VPS13C: variants seen among roughly 807,000 people sequenced by gnomAD.
VPS13C encodes the protein vacuolar protein sorting 13 homolog C.
A neutral mutation model predicts 456.8 loss-of-function variants in VPS13C; 358 were observed. That is an observed-to-expected ratio of 0.78 (90% CI 0.72 to 0.86). The LOEUF (loss-of-function observed/expected upper bound fraction) is 0.86, where lower values mean the gene tolerates loss of function less well. Among genes scored for constraint, VPS13C ranks in the 40% least tolerant of loss-of-function variants. The pLI, the probability that VPS13C is intolerant of heterozygous loss-of-function variation, is 0.00. For synonymous variants in VPS13C, 1,578 were observed against 1,486.7 expected, an observed-to-expected ratio of 1.06 and a Z score of -1.41; for missense variants, 4,818 against 4,385.4, an observed-to-expected ratio of 1.10 and a Z score of -2.79.
chr15:61,999,758 A>T (rs2046536617), intron 16 of VPS13C, among the ~76,000 whole-genome samples: 1 of 151,964 alleles, frequency 6.6e-6, no homozygotes, highest in Non-Finnish European at 1.5e-5. Context: ...GCAGTTATAA[A>T]ACATTATCAG....
intron 81 of VPS13C, chr15:61,864,465 A>G: frequency 2.4e-6 from 2 of 821,134 alleles, no homozygotes; most frequent in Non-Finnish European, 2.9e-6. Context: ...TAGATAATAT[A>G]TATGAAAATA....
At chr15:61,888,679 CG>C (rs774568761) in intron 67 of VPS13C, among the ~76,000 whole-genome samples, 2 of 151,986 alleles carry the variant, frequency 1.3e-5, no homozygotes, top group Non-Finnish European at 2.9e-5. Context: ...AAAAGAACAG[CG>C]GTTTCCAAAG....
chr15:62,023,179 C>T (rs1332631093), intron 8 of VPS13C, among the ~76,000 whole-genome samples: 1 of 151,560 alleles, frequency 6.6e-6, no homozygotes, highest in Non-Finnish European at 1.5e-5. Context: ...GAAGACAATC[C>T]AAAAACCTCT....
chr15:61,874,509 A>T (rs962111325), intron 77 of VPS13C, among the ~76,000 whole-genome samples: 2 of 152,074 alleles, frequency 1.3e-5, no homozygotes, highest in African/African-American at 4.8e-5. Context: ...GAGAAGTTAC[A>T]TTGTTTATAT....
intron 53 of VPS13C, among the ~76,000 whole-genome samples, chr15:61,924,998 T>C (rs983058582): frequency 4.6e-5 from 7 of 152,216 alleles, no homozygotes; most frequent in African/African-American, 9.6e-5. Flanking sequence ...ACTCCAATAA[T>C]TATTTCTAGT....
chr15:62,000,759 G>C (rs2046584516), intron 15 of VPS13C, 133 bp from the exon 16 acceptor site: 2 of 629,016 alleles, frequency 3.2e-6, no homozygotes, highest in Non-Finnish European at 5.0e-6. Flanking sequence ...GTATAAATTT[G>C]AATGTATTCT....
At chr15:62,048,159 G>T (rs1478921289) in intron 1 of VPS13C, among the ~76,000 whole-genome samples, 2 of 150,464 alleles carry the variant, frequency 1.3e-5, no homozygotes, top group African/African-American at 4.9e-5. Context: ...CAATGTGCAG[G>T]TTTGTTACAT....
chr15:61,945,576 TTAAA>T, intron 45 of VPS13C, 135 bp downstream of exon 45: 1 of 546,528 alleles, frequency 1.8e-6, no homozygotes, highest in Non-Finnish European at 3.0e-6. Flanking sequence ...AAGGATTTCT[TTAAA>T]TATTAACATT....
At chr15:62,047,797 C>T (rs973847445) in intron 1 of VPS13C, among the ~76,000 whole-genome samples, 2 of 152,146 alleles carry the variant, frequency 1.3e-5, no homozygotes, top group Non-Finnish European at 2.9e-5. Context: ...ATTACATATC[C>T]TATGAATTCC....
intron 75 of VPS13C, among the ~76,000 whole-genome samples, chr15:61,876,561 A>C (rs1026397595): frequency 2.0e-5 from 3 of 151,958 alleles, no homozygotes; most frequent in African/African-American, 7.2e-5. Context: ...AATTGTACCA[A>C]AGTGACCTGC....
At chr15:61,996,881 A>T (rs1421672563) in intron 16 of VPS13C, among the ~76,000 whole-genome samples, 2 of 149,818 alleles carry the variant, frequency 1.3e-5, no homozygotes, top group Non-Finnish European at 3.0e-5. Flanking sequence ...ACACACACAC[A>T]CACACACACA....
At chr15:62,015,951 AAAG>A (rs35951384) in intron 9 of VPS13C, among the ~76,000 whole-genome samples, 44,543 of 127,468 alleles carry the variant, frequency 0.35, 9,148 homozygotes, top group Admixed American at 0.47. Context: ...AAAAATAAAA[AAAG>A]AAGTCCAAAA....
intron 1 of VPS13C, among the ~76,000 whole-genome samples, chr15:62,051,278 T>C (rs889120370): frequency 1.2e-4 from 19 of 152,230 alleles, no homozygotes; most frequent in African/African-American, 4.6e-4. Context: ...AGAATGCATA[T>C]TGTACTGGGG....
rs140514231 is a variant in VPS13C at position 61,985,139 on chromosome 15, C to T, written c.1579-140G>A. 1,313 of 589,242 alleles carry T rather than the reference C, an allele frequency of 2.2e-3. 14 individuals carry two copies. In the African/African-American group the frequency reaches 0.023, roughly 10 times the overall value. 36.5% of individuals were successfully genotyped at this position (589,242 alleles called of 1,614,324 possible). ...CAGGTTCTGGCATCCACATGCTCACCATAAAGGAAAAATTCTTCATTTACA... is the reference window on the plus strand; with the variant it reads ...CAGGTTCTGGCATCCACATGCTCACTATAAAGGAAAAATTCTTCATTTACA... On this transcript the variant is annotated intron_variant, in intron 18 of 84. Transcript: ENST00000644861.
intron 79 of VPS13C, 84 bp from the exon 80 acceptor site, chr15:61,869,707 T>G: frequency 6.3e-7 from 1 of 1,577,520 alleles, no homozygotes; most frequent in African/African-American, 1.4e-5. Context: ...GGCCAGATAC[T>G]GAACTGTTTT....
At chr15:62,059,347 T>C (rs2048911204) in intron 1 of VPS13C, among the ~76,000 whole-genome samples, 4 of 152,230 alleles carry the variant, frequency 2.6e-5, no homozygotes, top group South Asian at 4.1e-4. Context: ...AGCAGATCCA[T>C]ACATTTGAGT....
rs1596328339 is a variant in VPS13C, at chr15:61,917,388, G to A, written c.8008C>T (p.Leu2670Phe). 1.2e-6 allele frequency: 2 copies of A among 1,613,952 alleles called. No homozygotes were observed. Among genetic ancestry groups the A allele is most frequent in the South Asian group, 1.1e-5 (1 of 91,064 alleles). The stretch of plus-strand genomic sequence containing the variant: ...TATGGGAGAAGATTCCGCAAAGTGA[G>A]AGAAGGATAAAGATGAATAATGTAA... ...VAYIIHLYPSLTLRNLLPYSL... is the reference protein window; with the variant it reads ...VAYIIHLYPSFTLRNLLPYSL... Residue 2670 changes from leucine (L) to phenylalanine (F), a missense_variant, in exon 60 of 85, where the codon CTC becomes TTC. Leu to Phe is a conservative substitution (Grantham distance 22, BLOSUM62 0). Around this residue, in one of 3 missense-constraint regions of VPS13C, gnomAD observed 4,552 missense variants for 4,130.6 expected, o/e 1.10. Coordinates refer to ENST00000644861, the MANE Select transcript of VPS13C (RefSeq NM_020821.3).
chr15:62,055,916 C>A (rs940932405), intron 1 of VPS13C, among the ~76,000 whole-genome samples: 13 of 152,172 alleles, frequency 8.5e-5, no homozygotes, highest in African/African-American at 2.4e-4. Context: ...AGGAAGTTGT[C>A]CTCTGCATTG....
intron 27 of VPS13C, among the ~76,000 whole-genome samples, chr15:61,969,881 T>TA (rs2045493708): frequency 2.0e-5 from 3 of 152,232 alleles, no homozygotes; most frequent in African/African-American, 7.2e-5. Context: ...ATTTAGCCAA[T>TA]AAAAAATAAA....
Sources: gnomAD v4.1 joint callset for allele counts (sites outside exome capture counted in the v4.1 genomes callset) on GRCh38, gnomAD v4.1.1 for gene constraint, gnomAD v4.1.1 regional missense constraint, MANE v1.5 for transcripts, NCBI Gene and HGNC (gene_info 2026-07-23, HGNC 2026-07-21) for gene names.